Variants in HTR4 observed in about 807,000 individuals in gnomAD.
The protein encoded by HTR4 is 5-hydroxytryptamine (serotonin) receptor 4, G protein-coupled.
Under a neutral mutation model 36.8 loss-of-function variants are expected in HTR4, and 16 were observed. The ratio of observed to expected loss-of-function variants is 0.43; its 90% CI spans 0.29 to 0.66. The LOEUF (loss-of-function observed/expected upper bound fraction) is 0.66. HTR4 is among the 30% of genes least tolerant of loss of function. HTR4 has a pLI of 0.13. For synonymous variants in HTR4, 189 were observed against 185.1 expected, an observed-to-expected ratio of 1.02 and a Z score of -0.17; for missense variants, 438 against 490.9, an observed-to-expected ratio of 0.89 and a Z score of 1.02.
At chr5:148,561,419 A>G (rs1760201359) in intron 2 of HTR4, among the ~76,000 whole-genome samples, 1 of 152,204 alleles carries the variant, frequency 6.6e-6, no homozygotes, top group Admixed American at 6.5e-5. Flanking sequence ...CAGCATGTTA[A>G]TCATTAAGGA....
intron 2 of HTR4, among the ~76,000 whole-genome samples, chr5:148,570,039 G>T (rs1290932318): frequency 6.6e-6 from 1 of 152,086 alleles, no homozygotes; most frequent in Non-Finnish European, 1.5e-5. Context: ...CTTTGCACTA[G>T]AAGGATAATG....
intron 5 of HTR4, among the ~76,000 whole-genome samples, chr5:148,468,475 A>G (rs114571359): frequency 1.2e-4 from 19 of 152,298 alleles, no homozygotes; most frequent in African/African-American, 4.3e-4. Context: ...GGAAGAACTG[A>G]ATCTATCCCA....
intron 5 of HTR4, among the ~76,000 whole-genome samples, chr5:148,463,526 A>G (rs544525295): frequency 1.3e-5 from 2 of 152,142 alleles, no homozygotes; most frequent in African/African-American, 4.8e-5. Context: ...TAAAATATGT[A>G]CAAGATTTAT....
At chr5:148,474,974 G>T (rs1399706321), downstream of HTR4, among the ~76,000 whole-genome samples, 1 of 151,970 alleles carries the variant, frequency 6.6e-6, no homozygotes, top group African/African-American at 2.4e-5. Flanking sequence ...GAACCCGGGA[G>T]GCAGAGGTTG....
At chr5:148,511,198 G>A (rs114092333) in intron 5 of HTR4, among the ~76,000 whole-genome samples, 2,172 of 152,028 alleles carry the variant, frequency 0.014, 26 homozygotes, top group Middle Eastern at 0.048. Context: ...ACCAAAATAC[G>A]TATAAAGTAC....
downstream of HTR4, among the ~76,000 whole-genome samples, chr5:148,478,937 C>T (rs770348518): frequency 3.9e-5 from 6 of 152,078 alleles, no homozygotes; most frequent in Admixed American, 6.5e-5. Flanking sequence ...TAGATTTCAT[C>T]ACACATAACC....
At chr5:148,581,480 A>G (rs1345839863) in intron 2 of HTR4, among the ~76,000 whole-genome samples, 1 of 152,050 alleles carries the variant, frequency 6.6e-6, no homozygotes, top group African/African-American at 2.4e-5. Flanking sequence ...TTTAGATCTT[A>G]TGTTCAAATC....
At position 148,482,159 on chromosome 5, in the gene HTR4, C is replaced by T; in HGVS notation, c.*1044G>A. ...CAAGTACAGCATTGCCTCGGCATCC[C>T]CAGTGCTGCTGGATCCTGCCCTCCT... On this transcript the variant is annotated 3_prime_UTR_variant, in exon 7 of 7. Transcript: ENST00000377888. The T allele has an allele frequency of 2.0e-6, 2 of 985,820 alleles. No homozygotes were observed. The highest frequency in any genetic ancestry group is 9.4e-5 in the South Asian group (2 of 21,296). 61.1% of individuals were successfully genotyped at this position (985,820 alleles called of 1,614,324 possible).
chr5:148,605,104 G>A lies in HTR4; in HGVS notation c.26+31885C>T, dbSNP rs1016905233. 2.1e-4 allele frequency among the ~76,000 whole-genome samples: 32 copies of A among 152,106 alleles called. 1 individual carries two copies. The highest frequency in any genetic ancestry group is 3.3e-4 in the Admixed American group (5 of 15,282). On this transcript the variant is annotated intron_variant, in intron 2 of 6. Transcript: ENST00000377888. ...ATCTCACATAAGCACAGTACAGCTC[G>A]TGTTGGCTCAGCTGGTACCAGGGTC...
At chr5:148,451,908 G>A (rs956536333) in intron 5 of HTR4, among the ~76,000 whole-genome samples, 5 of 152,096 alleles carry the variant, frequency 3.3e-5, no homozygotes, top group Admixed American at 6.6e-5. Context: ...AATTGCAGGC[G>A]AGTCTCATCA....
chr5:148,454,450 T>C (rs1755048751), intron 5 of HTR4, among the ~76,000 whole-genome samples: 1 of 152,222 alleles, frequency 6.6e-6, no homozygotes, highest in Non-Finnish European at 1.5e-5. Context: ...TTTGCTCCTC[T>C]GCATTGAATG....
At chr5:148,455,830 A>G (rs1179814399) in intron 5 of HTR4, among the ~76,000 whole-genome samples, 2 of 152,304 alleles carry the variant, frequency 1.3e-5, no homozygotes, top group South Asian at 4.1e-4. Context: ...TAAGAAAATC[A>G]TAAATAAGAG....
chr5:148,490,049 T>C (rs1011094008), intron 6 of HTR4, among the ~76,000 whole-genome samples: 1 of 151,770 alleles, frequency 6.6e-6, no homozygotes, highest in Non-Finnish European at 1.5e-5. Context: ...GGAAAGAGCA[T>C]CCTAAAATCA....
In HTR4 at chr5:148,504,075, G is replaced by A. The variant is rs1757066988; in HGVS notation, c.1076+5381C>T. On this transcript the variant is annotated intron_variant, in intron 6 of 6. Transcript: ENST00000377888. ...CTTTAACACCCCACTGTCAACATTA[G>A]ACAGATCAATGAGACAGAAAGTTAA... Among the ~76,000 whole-genome samples the A allele has an allele frequency of 2.0e-5, 3 of 152,238 alleles. 1 individual carries two copies. In the South Asian group the frequency reaches 6.2e-4, roughly 32 times the overall value.
downstream of HTR4, among the ~76,000 whole-genome samples, chr5:148,474,294 G>C (rs992985713): frequency 2.0e-5 from 3 of 151,924 alleles, no homozygotes; most frequent in Non-Finnish European, 4.4e-5. Flanking sequence ...ATGATAAAAA[G>C]CGATCGCTAT....
At chr5:148,646,084 CA>C (rs1447770709) in intron 1 of HTR4, 1 of 152,226 alleles carries the variant, frequency 6.6e-6, no homozygotes, top group Non-Finnish European at 1.5e-5. Context: ...ATCTAAAAAT[CA>C]CATGGAAAAC....
intron 5 of HTR4, chr5:148,465,837 G>A (rs1348702546): frequency 1.2e-6 from 2 of 1,607,044 alleles, no homozygotes; most frequent in Non-Finnish European, 8.5e-7. Flanking sequence ...ACAACAGACA[G>A]TGACAGACTT....
chr5:148,501,955 G>C (rs1290682860), intron 6 of HTR4, among the ~76,000 whole-genome samples: 1 of 152,034 alleles, frequency 6.6e-6, no homozygotes, highest in Non-Finnish European at 1.5e-5. Flanking sequence ...AGCTACTGGG[G>C]AGGATGAGGA....
intron 2 of HTR4, among the ~76,000 whole-genome samples, chr5:148,611,974 C>T (rs2127281553): frequency 6.6e-6 from 1 of 152,194 alleles, no homozygotes; most frequent in South Asian, 2.1e-4. Context: ...ACAAGAAGAG[C>T]TAACTATTCT....
Sources: allele counts gnomAD v4.1 joint callset (sites outside exome capture counted in the v4.1 genomes callset), GRCh38; gene constraint gnomAD v4.1.1; transcripts MANE v1.5; gene names NCBI Gene and HGNC (gene_info 2026-07-23, HGNC 2026-07-21).